Variants in AFAP1 observed in about 807,000 individuals in gnomAD.
AFAP1 encodes actin filament associated protein 1.
A neutral mutation model predicts 93.9 loss-of-function variants in AFAP1; 75 were observed. The ratio of observed to expected loss-of-function variants is 0.80; its 90% CI spans 0.66 to 0.97. AFAP1 has a LOEUF of 0.97. Ranked by LOEUF, AFAP1 falls within the 50% of genes least tolerant of loss-of-function variation. The pLI, the probability that AFAP1 is intolerant of heterozygous loss-of-function variation, is 0.00. For missense variants in AFAP1, 1,201 were observed against 1,050.8 expected (o/e 1.14, Z -1.98); for synonymous variants, 517 against 430.7 (o/e 1.20, Z -2.48).
chr4:7,933,085 G>A (rs1238498619), intron 1 of AFAP1, among the ~76,000 whole-genome samples: 1 of 150,690 alleles, frequency 6.6e-6, no homozygotes, highest in Admixed American at 6.6e-5. Context: ...AAAAAAATTG[G>A]TATCTGTTAA....
chr4:7,859,378 C>T (rs1209715301), intron 3 of AFAP1, among the ~76,000 whole-genome samples: 1 of 151,994 alleles, frequency 6.6e-6, no homozygotes, highest in Non-Finnish European at 1.5e-5. Context: ...AAGATCGCCA[C>T]ACTGCACTCC....
At position 7,872,063 on chromosome 4, in the gene AFAP1, C is replaced by G. The variant is rs1717101542; in HGVS notation, c.16G>C (p.Val6Leu). The part of the protein sequence containing the change: MEELI[V>L]ELRLFLELLD... ...AGTTCAAGAAAGAGACGAAGTTCAA[C>G]TATTAACTCTTCCATTGCTGACAAC... is the stretch of plus-strand genomic sequence containing the variant. Residue 6 changes from valine (V) to leucine (L), a missense_variant, in exon 2 of 18, where the codon GTT becomes CTT. By Grantham distance (32) the Val-to-Leu change is conservative. Coordinates refer to ENST00000420658, the MANE Select transcript of AFAP1 (RefSeq NM_001134647.2). The G allele has an allele frequency of 6.2e-7, 1 of 1,613,920 alleles. No homozygotes were observed. The highest frequency in any genetic ancestry group is 1.1e-5 in the South Asian group (1 of 90,998).
intron 1 of AFAP1, among the ~76,000 whole-genome samples, chr4:7,906,917 G>A (rs1293485035): frequency 2.6e-5 from 4 of 151,530 alleles, no homozygotes; most frequent in South Asian, 2.1e-4. Flanking sequence ...AGGAAGAACC[G>A]CTTGAACTCG....
At chr4:7,938,639 T>C (rs1721528489) in intron 1 of AFAP1, among the ~76,000 whole-genome samples, 1 of 152,312 alleles carries the variant, frequency 6.6e-6, no homozygotes, top group East Asian at 1.9e-4. Flanking sequence ...TGGATGCTCC[T>C]GCTTGAAACG....
chr4:7,770,133 G>C (rs941571730), intron 16 of AFAP1, among the ~76,000 whole-genome samples: 2 of 152,240 alleles, frequency 1.3e-5, no homozygotes, highest in African/African-American at 4.8e-5. Context: ...CCTCAAAACA[G>C]AGGGGAAGTC....
chr4:7,802,260 A>T (rs1719116483), intron 9 of AFAP1, among the ~76,000 whole-genome samples: 2 of 143,324 alleles, frequency 1.4e-5, no homozygotes, highest in Admixed American at 6.9e-5. Context: ...GTTGTTAGGG[A>T]GTGACAGAGA....
chr4:7,825,711 A>G (rs1187809247), intron 6 of AFAP1, among the ~76,000 whole-genome samples: 1 of 152,232 alleles, frequency 6.6e-6, no homozygotes, highest in African/African-American at 2.4e-5. Flanking sequence ...GCTAAAAAAA[A>G]GTAGAAGCAA....
intron 1 of AFAP1, among the ~76,000 whole-genome samples, chr4:7,883,317 A>G (rs1350946418): frequency 1.3e-5 from 2 of 152,208 alleles, no homozygotes; most frequent in Non-Finnish European, 2.9e-5. Flanking sequence ...GCCTTCAACA[A>G]AATTTAATAA....
chr4:7,840,327 T>C (rs1481701851), intron 5 of AFAP1, among the ~76,000 whole-genome samples: 2 of 149,632 alleles, frequency 1.3e-5, no homozygotes, highest in African/African-American at 5.0e-5. Context: ...TGTGTGTGTG[T>C]GTTTGAGATG....
At chr4:7,822,746 G>A (rs938244187) in intron 6 of AFAP1, among the ~76,000 whole-genome samples, 2 of 118,410 alleles carry the variant, frequency 1.7e-5, no homozygotes, top group Non-Finnish European at 3.5e-5. Flanking sequence ...CACTGCGCCC[G>A]GCTAATTTTT....
At chr4:7,781,684 A>C in intron 12 of AFAP1, 57 bp from the exon 13 acceptor site, 1 of 1,538,364 alleles carries the variant, frequency 6.5e-7, no homozygotes. Flanking sequence ...AGCAGCTTTT[A>C]GCACAGTGAG....
chr4:7,769,063 C>A, intron 16 of AFAP1, 55 bp from the exon 17 acceptor site: 1 of 1,501,626 alleles, frequency 6.7e-7, no homozygotes, highest in South Asian at 1.3e-5. Flanking sequence ...CACTGGTATT[C>A]TCCAGCAGGA....
intron 1 of AFAP1, among the ~76,000 whole-genome samples, chr4:7,904,986 G>A (rs1719320061): frequency 6.6e-6 from 1 of 152,148 alleles, no homozygotes; most frequent in Non-Finnish European, 1.5e-5. Context: ...GGGATTACAG[G>A]TTTAGGCCAC....
chr4:7,814,767 G>C (rs1040608802), intron 8 of AFAP1, among the ~76,000 whole-genome samples: 2 of 152,354 alleles, frequency 1.3e-5, no homozygotes, highest in South Asian at 4.1e-4. Context: ...GAGGCAGACG[G>C]GGGAGAAAGA....
At chr4:7,808,455 T>C (rs1025338363) in intron 9 of AFAP1, among the ~76,000 whole-genome samples, 2 of 152,148 alleles carry the variant, frequency 1.3e-5, no homozygotes, top group African/African-American at 4.8e-5. Context: ...GCTACCAGAC[T>C]GGAAGCCATG....
At position 7,824,775 on chromosome 4, in the gene AFAP1, C is replaced by T. The variant is rs975907046; in HGVS notation, c.727-5604G>A. On this transcript the variant is annotated intron_variant, in intron 6 of 17. Transcript: ENST00000420658. Reference sequence around the variant, plus strand: ...GAGGGAACGGGAGGAAGGGGGATGGCGAGAAATTGGTTAATGGGCACTGAG... The same window carrying T: ...GAGGGAACGGGAGGAAGGGGGATGGTGAGAAATTGGTTAATGGGCACTGAG... Among the ~76,000 whole-genome samples, 7 of 151,716 alleles carry T rather than the reference C, an allele frequency of 4.6e-5. No homozygotes were observed. The East Asian group carries it at 7.7e-4, about 17-fold the overall frequency.
chr4:7,768,959 C>A lies in AFAP1; in HGVS notation c.2303G>T (p.Cys768Phe). ...GGGGCCCTCGGTGTCACTGGTGTCA[C>A]AGCTGGAGATGGGCGAGTTTTCCAG... The part of the protein sequence containing the change: ...RTLENSPISS[C>F]DTSDTEGPVP... Residue 768 changes from cysteine (C) to phenylalanine (F), a missense_variant, in exon 17 of 18, where the codon TGT becomes TTT. Transcript: ENST00000420658. 6.2e-7 allele frequency: 1 copy of A among 1,613,824 alleles called. No homozygotes were observed. The highest frequency in any genetic ancestry group is 8.5e-7 in the Non-Finnish European group (1 of 1,179,788).
chr4:7,823,393 A>C (rs146538612), intron 6 of AFAP1, among the ~76,000 whole-genome samples: 58 of 152,342 alleles, frequency 3.8e-4, no homozygotes, highest in African/African-American at 1.4e-3. Flanking sequence ...AAGCTTCCCC[A>C]GTCCTCGGCA....
chr4:7,918,845 G>GCC, intron 1 of AFAP1, among the ~76,000 whole-genome samples: 3 of 136,304 alleles, frequency 2.2e-5, no homozygotes, highest in African/African-American at 9.0e-5. Flanking sequence ...AAACAGGGCT[G>GCC]AGACGCTCGG....
Sources: gnomAD v4.1 joint callset for allele counts (sites outside exome capture counted in the v4.1 genomes callset) on GRCh38, gnomAD v4.1.1 for gene constraint, MANE v1.5 for transcripts, NCBI Gene and HGNC (gene_info 2026-07-23, HGNC 2026-07-21) for gene names.